Variants in WDR18 observed in about 807,000 individuals in gnomAD.
WDR18 encodes the protein WD repeat-containing protein 18.
A neutral mutation model predicts 49.6 loss-of-function variants in WDR18; 33 were observed. The ratio of observed to expected loss-of-function variants is 0.67; its 90% CI spans 0.50 to 0.89. The LOEUF is 0.89. Ranked by LOEUF, WDR18 falls within the 40% of genes least tolerant of loss-of-function variation. The probability of loss-of-function intolerance (pLI) is 0.00; values close to 1 mark genes in which losing one functional copy is unlikely to be tolerated. For missense variants in WDR18, 653 were observed against 593.6 expected (o/e 1.10, Z -1.04); for synonymous variants, 315 against 263.6 (o/e 1.19, Z -1.89).
At chr19:993,288 G>A (rs1263211649) in intron 8 of WDR18, among the ~76,000 whole-genome samples, 1 of 152,240 alleles carries the variant, frequency 6.6e-6, no homozygotes, top group Non-Finnish European at 1.5e-5. Context: ...GGCAGCAGCG[G>A]TTCCCACGAT....
At chr19:989,641 G>GGGCA (rs1199277632) in intron 2 of WDR18, 121 bp from the exon 3 acceptor site, 2 of 1,412,816 alleles carry the variant, frequency 1.4e-6, no homozygotes, top group Non-Finnish European at 1.9e-6. Context: ...TCCTGGGGCA[G>GGGCA]GGCAGGCAGG....
chr19:986,470 T>C (rs2038476273), intron 2 of WDR18, among the ~76,000 whole-genome samples: 1 of 152,128 alleles, frequency 6.6e-6, no homozygotes, highest in African/African-American at 2.4e-5. Flanking sequence ...GGCTTCACAA[T>C]GTTGGTCAGG....
At chr19:992,227 CA>C (rs2038569012) in intron 8 of WDR18, 106 bp downstream of exon 8, 1 of 1,330,228 alleles carries the variant, frequency 7.5e-7, no homozygotes, top group Admixed American at 3.6e-5. Context: ...GGCGGTTCCC[CA>C]CAAGCCCGGC....
At chr19:984,216 G>T (rs935464517), upstream of WDR18, 2 of 911,444 alleles carry the variant, frequency 2.2e-6, no homozygotes, top group Admixed American at 4.0e-5. Flanking sequence ...TCACAAGAAA[G>T]CCCCTCTCTC....
chr19:988,277 G>C (rs930388455), intron 2 of WDR18, among the ~76,000 whole-genome samples: 2 of 151,816 alleles, frequency 1.3e-5, no homozygotes, highest in Non-Finnish European at 2.9e-5. Context: ...GTGTGTGAGC[G>C]GTGAGTCAGG....
intron 5 of WDR18, 31 bp from the exon 6 acceptor site, chr19:991,050 C>T: frequency 6.2e-7 from 1 of 1,601,136 alleles, no homozygotes; most frequent in East Asian, 2.2e-5. Flanking sequence ...GGCATCGGGC[C>T]TGCGGCTCAC....
chr19:984,276 C>T (rs898568639), upstream of WDR18: 22 of 1,362,116 alleles, frequency 1.6e-5, no homozygotes, highest in Non-Finnish European at 2.0e-5. Context: ...GCCGCGGGGC[C>T]GCCGCTCTGG....
chr19:987,564 C>G (rs1441711858), intron 2 of WDR18, among the ~76,000 whole-genome samples: 1 of 151,892 alleles, frequency 6.6e-6, no homozygotes, highest in African/African-American at 2.4e-5. Context: ...AAGGCTTTTA[C>G]ATCTCACTCC....
In WDR18 at chr19:987,340, C is replaced by T. The variant is rs2038485405; in HGVS notation, c.321+1365C>T. The stretch of plus-strand genomic sequence containing the variant: ...CCTGGGTGACAGAGCAAGACCTTGT[C>T]TCCAAAGAAAAGGGGGGTCGGGACA... On this transcript the variant is annotated intron_variant, in intron 2 of 9. Coordinates refer to ENST00000585809, the MANE Select transcript of WDR18 (RefSeq NM_024100.4). 4.6e-5 allele frequency among the ~76,000 whole-genome samples: 7 copies of T among 152,260 alleles called. No homozygotes were observed. The South Asian group carries it at 1.5e-3, about 32-fold the overall frequency.
chr19:988,335 C>T (rs571098761), intron 2 of WDR18, among the ~76,000 whole-genome samples: 4 of 152,254 alleles, frequency 2.6e-5, no homozygotes, highest in African/African-American at 7.2e-5. Context: ...GGAGCTGGTC[C>T]GCCCCTCCCA....
chr19:986,321 C>T (rs917992070), intron 2 of WDR18, among the ~76,000 whole-genome samples: 2 of 152,064 alleles, frequency 1.3e-5, no homozygotes, highest in East Asian at 1.9e-4. Flanking sequence ...GGCGGCCGGG[C>T]GCAGTGGCTC....
upstream of WDR18, chr19:984,126 G>A (rs548635296): frequency 3.3e-5 from 16 of 491,122 alleles, no homozygotes; most frequent in Non-Finnish European, 5.7e-5. Context: ...GGAGACCCTG[G>A]GCCTTGGAAG....
chr19:994,021 G>T lies in WDR18; in HGVS notation c.1100G>T (p.Gly367Val), dbSNP rs201195680. 2.1e-4 allele frequency: 319 copies of T among 1,553,676 alleles called. 1 individual carries two copies. The highest frequency in any genetic ancestry group is 2.6e-4 in the Non-Finnish European group (296 of 1,149,400). ...GTCACGTGGCTCCCTGTGTTACAGG[G>T]CTCGGAGCCCAGCTACCTGGACCGC... ...LTLRLGLHQQGSEPSYLDRTE... is the reference protein window; with the variant it reads ...LTLRLGLHQQVSEPSYLDRTE... Residue 367 changes from glycine to valine, a missense_variant and splice_region_variant, in exon 9 of 10, where the codon GGC becomes GTC. Physicochemically the swap from Gly to Val is moderately radical, Grantham distance 109 (BLOSUM62 -3). Coordinates refer to ENST00000585809, the MANE Select transcript of WDR18 (RefSeq NM_024100.4).
chr19:991,973 C>A lies in WDR18; in HGVS notation c.950C>A (p.Ala317Asp). ...CCCCCAGGCCCAGTCACCAATGCCG[C>A]CATCCTGCTGGCGCCCGTCAGCATG... ...VALKGPVTNA[A>D]ILLAPVSMLS... is the part of the protein sequence containing the mutation. Residue 317 changes from alanine to aspartate, a missense_variant, in exon 8 of 10, where the codon GCC becomes GAC. Physicochemically the swap from Ala to Asp is moderately radical, Grantham distance 126. Coordinates refer to ENST00000585809, the MANE Select transcript of WDR18 (RefSeq NM_024100.4). 1 of 1,592,806 alleles carries A rather than the reference C, an allele frequency of 6.3e-7. No homozygotes were observed. Among genetic ancestry groups the A allele is most frequent in the Non-Finnish European group, 8.5e-7 (1 of 1,174,640 alleles).
Position 989,882 on chromosome 19 carries a change from T to G in WDR18, c.442T>G (p.Trp148Gly). ...GGGCAAGGACTGCCTGGTGCTGGTTTGGAGCCTCTGCAGGTAGCGCCTTGC... is the reference window on the plus strand; with the variant it reads ...GGGCAAGGACTGCCTGGTGCTGGTTGGGAGCCTCTGCAGGTAGCGCCTTGC... ...SGGKDCLVLV[W>G]SLCSVLQADP... The change falls in exon 3 of 10, where the codon TGG (tryptophan) becomes GGG (glycine). Residue 148 changes from tryptophan (W) to glycine (G), a missense_variant. By Grantham distance (184) the Trp-to-Gly change is radical. Transcript: ENST00000585809. 6.2e-7 allele frequency: 1 copy of G among 1,609,986 alleles called. No individual in the cohort carries two copies. The highest frequency in any genetic ancestry group is 1.1e-5 in the South Asian group (1 of 90,728).
At chr19:990,442 G>A (rs899744894) in intron 4 of WDR18, 78 bp downstream of exon 4, 28 of 1,435,254 alleles carry the variant, frequency 2.0e-5, no homozygotes, top group South Asian at 8.2e-5. Flanking sequence ...TGCAGGAATC[G>A]CCTCCTCCCG....
chr19:984,274 G>C, upstream of WDR18: 1 of 1,367,568 alleles, frequency 7.3e-7, no homozygotes, highest in Non-Finnish European at 9.5e-7. Flanking sequence ...GGGCCGCGGG[G>C]CCGCCGCTCT....
chr19:989,810 G>A lies in WDR18; in HGVS notation c.370G>A (p.Val124Ile), dbSNP rs776347906. The change falls in exon 3 of 10, where the codon GTC becomes ATC. Residue 124 changes from valine to isoleucine, a missense_variant. Coordinates refer to ENST00000585809, the MANE Select transcript of WDR18 (RefSeq NM_024100.4). The part of the protein sequence containing the change: ...LVILSRHYQD[V>I]SCLQFTGDSS... The stretch of plus-strand genomic sequence containing the variant: ...CATCCTGAGTCGACACTACCAGGAC[G>A]TCTCCTGCCTTCAGTTCACAGGGGA... 4.6e-5 allele frequency: 74 copies of A among 1,612,736 alleles called. No homozygotes were observed. The highest frequency in any genetic ancestry group is 5.9e-5 in the Non-Finnish European group (70 of 1,179,902).
chr19:989,706 C>T, intron 2 of WDR18, 56 bp from the exon 3 acceptor site: 1 of 1,602,248 alleles, frequency 6.2e-7, no homozygotes, highest in Non-Finnish European at 8.5e-7. Flanking sequence ...CTGCAGCCCC[C>T]CTTTCCTCCC....
Sources: allele counts gnomAD v4.1 joint callset (sites outside exome capture counted in the v4.1 genomes callset), GRCh38; gene constraint gnomAD v4.1.1; transcripts MANE v1.5; gene names NCBI Gene and HGNC (gene_info 2026-07-23, HGNC 2026-07-21).